MYO9B: variants seen among roughly 807,000 people sequenced by gnomAD.
MYO9B encodes unconventional myosin-IXb.
MYO9B carries 71 observed loss-of-function variants against 229.5 expected under a neutral mutation model. The observed-to-expected ratio is 0.31, with a 90% confidence interval of 0.26 to 0.38. The LOEUF (loss-of-function observed/expected upper bound fraction) is 0.38. Among genes scored for constraint, MYO9B ranks in the 10% least tolerant of loss-of-function variants. The probability of loss-of-function intolerance (pLI) is 1.00; values close to 1 mark genes in which losing one functional copy is unlikely to be tolerated. For missense variants in MYO9B, 2,255 were observed against 2,920.5 expected (o/e 0.77, Z 5.25); for synonymous variants, 1,185 against 1,235.8 (o/e 0.96, Z 0.86).
intron 15 of MYO9B, among the ~76,000 whole-genome samples, chr19:17,181,474 A>T (rs2072860132): frequency 6.6e-6 from 1 of 152,244 alleles, no homozygotes; most frequent in East Asian, 1.9e-4. Context: ...TAAGCCAGTC[A>T]GGAGAGCCCA....
At chr19:17,122,704 A>G (rs994650179) in intron 2 of MYO9B, among the ~76,000 whole-genome samples, 6 of 152,236 alleles carry the variant, frequency 3.9e-5, no homozygotes, top group East Asian at 3.8e-4. Context: ...CAGACAGCCA[A>G]TGACAGGCAG....
intron 1 of MYO9B, among the ~76,000 whole-genome samples, chr19:17,088,617 T>C (rs1004048688): frequency 6.6e-6 from 1 of 152,148 alleles, no homozygotes; most frequent in East Asian, 1.9e-4. Flanking sequence ...TACCAGACCG[T>C]GGTATGAGCC....
At chr19:17,200,202 A>C in intron 24 of MYO9B, 91 bp from the exon 25 acceptor site, 1 of 1,466,844 alleles carries the variant, frequency 6.8e-7, no homozygotes, top group Non-Finnish European at 9.2e-7. Context: ...GCATTGATAG[A>C]GCATTTGCCA....
chr19:17,181,468 C>G (rs1156829104), intron 15 of MYO9B, among the ~76,000 whole-genome samples: 1 of 152,244 alleles, frequency 6.6e-6, no homozygotes, highest in Non-Finnish European at 1.5e-5. Flanking sequence ...GCCACATAAG[C>G]CAGTCAGGAG....
intron 18 of MYO9B, among the ~76,000 whole-genome samples, chr19:17,187,252 C>T (rs1421726083): frequency 1.3e-5 from 2 of 152,234 alleles, no homozygotes; most frequent in Non-Finnish European, 2.9e-5. Flanking sequence ...CCTCAGGACA[C>T]AGCCCAGCAT....
At chr19:17,187,794 G>A in intron 18 of MYO9B, 141 bp from the exon 19 acceptor site, 1 of 677,982 alleles carries the variant, frequency 1.5e-6, no homozygotes, top group Non-Finnish European at 2.5e-6. Context: ...CCCTGACCAT[G>A]TCTGTGTTCG....
chr19:17,102,528 A>G lies in MYO9B; in HGVS notation c.811A>G (p.Thr271Ala). Reference protein sequence around the residue: ...QKGYASGVERTILGAGPVLEA... With the variant: ...QKGYASGVERAILGAGPVLEA... ...GGGCTACGCCAGCGGCGTCGAGAGG[A>G]CCATCCTGGGTGCTGGCCCTGTGCT... Residue 271 changes from threonine (T) to alanine (A), a missense_variant, in exon 2 of 40, where the codon ACC becomes GCC. By Grantham distance (58) the Thr-to-Ala change is moderately conservative. This residue lies in a region of MYO9B where 386 missense variants were observed against 515.2 expected (regional missense o/e 0.75). Coordinates refer to ENST00000682292, the MANE Select transcript of MYO9B (RefSeq NM_004145.4). The G allele has an allele frequency of 6.2e-7, 1 of 1,606,682 alleles. No individual in the cohort carries two copies. The highest frequency in any genetic ancestry group is 8.5e-7 in the Non-Finnish European group (1 of 1,176,542).
intron 14 of MYO9B, among the ~76,000 whole-genome samples, 158 bp downstream of exon 14, chr19:17,175,899 C>T (rs1377183731): frequency 1.3e-5 from 2 of 148,414 alleles, no homozygotes; most frequent in Non-Finnish European, 3.0e-5. Flanking sequence ...ATGGCGCAAT[C>T]TCGGCTCACC....
At chr19:17,090,118 C>CTTTTTTTTTTTTTTTTTTTTTTTT (rs59440394) in intron 1 of MYO9B, among the ~76,000 whole-genome samples, 2 of 49,236 alleles carry the variant, frequency 4.1e-5, no homozygotes, top group Admixed American at 3.2e-4. Flanking sequence ...TGCTTCCTTC[C>CTTTTTTTTTTTTTTTTTTTTTTTT]TTTTTTTTTT....
chr19:17,155,621 A>T (rs980931393), intron 6 of MYO9B, among the ~76,000 whole-genome samples: 2 of 151,272 alleles, frequency 1.3e-5, no homozygotes, highest in East Asian at 2.0e-4. Context: ...ATTTTTTTTT[A>T]AATTATCCAG....
chr19:17,143,350 T>C (rs928889921), intron 2 of MYO9B, among the ~76,000 whole-genome samples: 2 of 152,202 alleles, frequency 1.3e-5, no homozygotes, highest in African/African-American at 2.4e-5. Flanking sequence ...AGGTCTTATC[T>C]GGGCTTCTAA....
Position 17,184,651 on chromosome 19 carries a change from C to T in MYO9B, c.2374-214C>T, listed in dbSNP as rs370573738. The T allele has an allele frequency of 2.1e-4, 113 of 527,656 alleles. No homozygotes were observed. In the East Asian group the frequency reaches 2.3e-3, roughly 11 times the overall value. 32.7% of individuals were successfully genotyped at this position (527,656 alleles called of 1,614,324 possible). On this transcript the variant is annotated intron_variant, in intron 16 of 39. Coordinates refer to ENST00000682292, the MANE Select transcript of MYO9B (RefSeq NM_004145.4). ...GGCTGTGAAAGAGGCTGTCATCAGC[C>T]CTCCCGGAACCAGCGCTGTGTGCAA...
chr19:17,162,297 T>A, intron 8 of MYO9B, 53 bp from the exon 9 acceptor site: 1 of 1,442,694 alleles, frequency 6.9e-7, no homozygotes, highest in South Asian at 1.2e-5. Flanking sequence ...AGAGCAAGAC[T>A]CCAGCGCAGG....
chr19:17,114,777 C>T (rs116766341), intron 2 of MYO9B, among the ~76,000 whole-genome samples: 1,840 of 152,094 alleles, frequency 0.012, 46 homozygotes, highest in African/African-American at 0.041. Flanking sequence ...GGCTGTGGCT[C>T]AGGTCTCGCT....
At chr19:17,143,695 G>GC (rs376675428) in intron 2 of MYO9B, among the ~76,000 whole-genome samples, 13 of 151,954 alleles carry the variant, frequency 8.6e-5, no homozygotes, top group African/African-American at 2.9e-4. Context: ...GGCCGGGGCG[G>GC]GCAGATCATG....
At chr19:17,182,267 G>A (rs767234445) in intron 15 of MYO9B, among the ~76,000 whole-genome samples, 1 of 151,880 alleles carries the variant, frequency 6.6e-6, no homozygotes, top group Non-Finnish European at 1.5e-5. Flanking sequence ...TGTAGAGGTG[G>A]AATCTTGCTA....
At chr19:17,166,028 A>G (rs1167822420) in intron 10 of MYO9B, among the ~76,000 whole-genome samples, 1 of 151,934 alleles carries the variant, frequency 6.6e-6, no homozygotes, top group East Asian at 1.9e-4. Flanking sequence ...GCCAACCTCT[A>G]AATGATTTTA....
intron 11 of MYO9B, among the ~76,000 whole-genome samples, chr19:17,168,595 C>T (rs959171652): frequency 6.6e-6 from 1 of 152,222 alleles, no homozygotes; most frequent in Non-Finnish European, 1.5e-5. Flanking sequence ...GAGGCACATC[C>T]GCCAGGAGTT....
chr19:17,199,340 T>C (rs2073080895), intron 24 of MYO9B, among the ~76,000 whole-genome samples: 1 of 152,136 alleles, frequency 6.6e-6, no homozygotes, highest in Non-Finnish European at 1.5e-5. Context: ...CGAGCTATGA[T>C]CACACCACTG....
Sources: allele counts gnomAD v4.1 joint callset (sites outside exome capture counted in the v4.1 genomes callset), GRCh38; gene constraint gnomAD v4.1.1; regional missense constraint gnomAD v4.1.1; transcripts MANE v1.5; gene names NCBI Gene and HGNC (gene_info 2026-07-23, HGNC 2026-07-21).